The following TNKS variants were observed in gnomAD, a reference collection of about 807,000 sequenced individuals.
TNKS encodes the protein tankyrase.
A neutral mutation model predicts 135.8 loss-of-function variants in TNKS; 72 were observed. That is an observed-to-expected ratio of 0.53 (90% CI 0.44 to 0.64). The LOEUF (loss-of-function observed/expected upper bound fraction) is 0.64. Ranked by LOEUF, TNKS falls within the 30% of genes least tolerant of loss-of-function variation. The pLI, the probability that TNKS is intolerant of heterozygous loss-of-function variation, is 0.00. For missense variants in TNKS, 1,769 were observed against 1,674.0 expected, an observed-to-expected ratio of 1.06 and a Z score of -0.99; for synonymous variants, 849 against 649.3, an observed-to-expected ratio of 1.31 and a Z score of -4.68.
rs367904577 is a variant in TNKS at position 9,702,294 on chromosome 8, T to C, written c.1108-2369T>C. Among the ~76,000 whole-genome samples, 7 of 152,010 alleles carry C rather than the reference T, an allele frequency of 4.6e-5. No individual in the cohort carries two copies. In the East Asian group the frequency reaches 1.4e-3, roughly 29 times the overall value. On this transcript the variant is annotated intron_variant, in intron 5 of 26. Coordinates refer to ENST00000310430, the MANE Select transcript of TNKS (RefSeq NM_003747.3). ...GCACTGCAAGCTCCAATTGTGGGCA[T>C]GCATGCGTGTGCGTGCACACACACA...
chr8:9,631,618 C>T (rs968523917), intron 3 of TNKS, among the ~76,000 whole-genome samples: 1 of 152,120 alleles, frequency 6.6e-6, no homozygotes, highest in East Asian at 1.9e-4. Flanking sequence ...CTCATTCATT[C>T]TAGTCTACAG....
In TNKS at chr8:9,666,708, G is replaced by A. The variant is rs187474270; in HGVS notation, c.995-13243G>A. ...TGCGCTCCAGCCTGGGCGACAGAGT[G>A]AGACTCTATCTAAAAAAAAAAAAAA... On this transcript the variant is annotated intron_variant, in intron 3 of 26. Coordinates refer to ENST00000310430, the MANE Select transcript of TNKS (RefSeq NM_003747.3). Among the ~76,000 whole-genome samples, 589 of 149,890 alleles carry A rather than the reference G, an allele frequency of 3.9e-3. 3 individuals carry two copies. Among genetic ancestry groups the A allele is most frequent in the Non-Finnish European group, 7.0e-3 (473 of 67,628 alleles).
At chr8:9,565,859 A>AAAAAATAAAAATAAAT (rs1425269750) in intron 1 of TNKS, among the ~76,000 whole-genome samples, 1 of 152,304 alleles carries the variant, frequency 6.6e-6, no homozygotes, top group East Asian at 1.9e-4. Context: ...TCCGTCTCAA[A>AAAAAATAAAAATAAAT]AAAAATAAAA....
At chr8:9,565,035 C>T (rs1797472815) in intron 1 of TNKS, among the ~76,000 whole-genome samples, 1 of 151,452 alleles carries the variant, frequency 6.6e-6, no homozygotes, top group Non-Finnish European at 1.5e-5. Context: ...ACTTTGATTT[C>T]AAGTAATTGA....
At chr8:9,593,049 A>T (rs898545017) in intron 2 of TNKS, among the ~76,000 whole-genome samples, 1 of 152,188 alleles carries the variant, frequency 6.6e-6, no homozygotes, top group Admixed American at 6.5e-5. Flanking sequence ...ATAGTAAAAC[A>T]TTTTTTCTTG....
chr8:9,681,983 T>G (rs562804647), intron 5 of TNKS, among the ~76,000 whole-genome samples: 100 of 152,294 alleles, frequency 6.6e-4, no homozygotes, highest in African/African-American at 2.4e-3. Flanking sequence ...ATTACACATA[T>G]CAAGCCATAA....
At position 9,692,074 on chromosome 8, in the gene TNKS, G is replaced by C. The variant is rs568455904; in HGVS notation, c.1107+11274G>C. Among the ~76,000 whole-genome samples, 10 of 151,966 alleles carry C rather than the reference G, an allele frequency of 6.6e-5. No individual in the cohort carries two copies. The South Asian group carries it at 2.1e-3, about 32-fold the overall frequency. ...GTTGTCCCCCCTACTTTTATTTTAG[G>C]TTCAGGAGTGGGTACATTTACAGGT... On this transcript the variant is annotated intron_variant, in intron 5 of 26. Transcript: ENST00000310430.
intron 12 of TNKS, among the ~76,000 whole-genome samples, chr8:9,721,298 T>TTTTATATATATATATATATATATA (rs140410610): frequency 2.5e-5 from 3 of 118,154 alleles, no homozygotes; most frequent in South Asian, 2.8e-4. Context: ...AATAAATAAA[T>TTTTATATATATATATATATATATA]TATATATATA....
At chr8:9,683,816 T>C (rs1038572179) in intron 5 of TNKS, among the ~76,000 whole-genome samples, 5 of 151,930 alleles carry the variant, frequency 3.3e-5, no homozygotes, top group African/African-American at 7.2e-5. Context: ...CCAAAGACAA[T>C]TGTTTTCCTA....
intron 3 of TNKS, among the ~76,000 whole-genome samples, chr8:9,624,829 C>G (rs939226486): frequency 2.0e-5 from 3 of 152,080 alleles, no homozygotes; most frequent in East Asian, 1.9e-4. Flanking sequence ...CATAGTATAA[C>G]CTATGGAGGC....
intron 2 of TNKS, among the ~76,000 whole-genome samples, chr8:9,583,656 G>C (rs1037549531): frequency 6.6e-6 from 1 of 151,602 alleles, no homozygotes; most frequent in Non-Finnish European, 1.5e-5. Context: ...TCCCAGCTAA[G>C]TTTTGTATTT....
rs371350983 is a variant in TNKS, at chr8:9,770,171, C to A, written c.3806C>A (p.Ala1269Asp). The change falls in exon 26 of 27, where the codon GCC (alanine) becomes GAC (aspartate). Residue 1269 changes from alanine to aspartate, a missense_variant. Coordinates refer to ENST00000310430, the MANE Select transcript of TNKS (RefSeq NM_003747.3). ...CTGCAGTTTAGCACCATGAAAATGG[C>A]CCACGCGCCTCCAGGGCACCACTCA... is the stretch of plus-strand genomic sequence containing the variant. The part of the protein sequence containing the change: ...SFLQFSTMKM[A>D]HAPPGHHSVI... 1 of 1,613,372 alleles carries A rather than the reference C, an allele frequency of 6.2e-7. No homozygotes were observed. The highest frequency in any genetic ancestry group is 8.5e-7 in the Non-Finnish European group (1 of 1,179,916).
At chr8:9,661,310 A>G (rs943408468) in intron 3 of TNKS, among the ~76,000 whole-genome samples, 2 of 152,242 alleles carry the variant, frequency 1.3e-5, no homozygotes, top group African/African-American at 2.4e-5. Context: ...AGCTGGAGGC[A>G]TCATGTTACC....
chr8:9,586,928 A>C (rs546599534), intron 2 of TNKS, among the ~76,000 whole-genome samples: 1 of 152,244 alleles, frequency 6.6e-6, no homozygotes, highest in South Asian at 2.1e-4. Context: ...GCGTACCTGG[A>C]GAGTACTGTT....
chr8:9,676,558 T>G (rs886250282), intron 3 of TNKS, among the ~76,000 whole-genome samples: 5 of 152,152 alleles, frequency 3.3e-5, no homozygotes. Context: ...AATTTTGCCT[T>G]TACACTAAGT....
At chr8:9,717,072 AAT>A (rs368231440) in intron 11 of TNKS, among the ~76,000 whole-genome samples, 1,440 of 79,494 alleles carry the variant, frequency 0.018, 98 homozygotes, top group Middle Eastern at 0.04. Flanking sequence ...GTTGTATTAT[AAT>A]ATATATATAT....
At chr8:9,627,459 C>T (rs1800105756) in intron 3 of TNKS, among the ~76,000 whole-genome samples, 1 of 151,986 alleles carries the variant, frequency 6.6e-6, no homozygotes, top group Non-Finnish European at 1.5e-5. Flanking sequence ...GGGACTGAGC[C>T]CTCAACTTGT....
chr8:9,560,193 C>T (rs1388346694), intron 1 of TNKS, among the ~76,000 whole-genome samples: 2 of 151,978 alleles, frequency 1.3e-5, no homozygotes, highest in African/African-American at 4.8e-5. Context: ...CTGAAGACGT[C>T]TCTTTTTATA....
At chr8:9,706,361 G>T (rs1456250710) in intron 7 of TNKS, 108 bp downstream of exon 7, 13 of 893,904 alleles carry the variant, frequency 1.5e-5, no homozygotes, top group African/African-American at 3.5e-5. Context: ...AGTTCTTTGG[G>T]GTTTTTTGTT....
Sources: allele counts gnomAD v4.1 joint callset (sites outside exome capture counted in the v4.1 genomes callset), GRCh38; gene constraint gnomAD v4.1.1; transcripts MANE v1.5; gene names NCBI Gene and HGNC (gene_info 2026-07-23, HGNC 2026-07-21).